The following SPON1 variants were observed in gnomAD, a reference collection of about 807,000 sequenced individuals.
The protein encoded by SPON1 is spondin 1.
Under a neutral mutation model 111.7 loss-of-function variants are expected in SPON1, and 52 were observed. That is an observed-to-expected ratio of 0.47 (90% CI 0.37 to 0.59). The LOEUF is 0.59. SPON1 is among the 20% of genes least tolerant of loss of function. SPON1 has a pLI of 0.00. For synonymous variants in SPON1, 410 were observed against 395.8 expected, an observed-to-expected ratio of 1.04 and a Z score of -0.43; for missense variants, 957 against 1,068.5, an observed-to-expected ratio of 0.90 and a Z score of 1.46.
intron 6 of SPON1, among the ~76,000 whole-genome samples, chr11:14,137,465 C>T (rs2133861817): frequency 6.6e-6 from 1 of 152,296 alleles, no homozygotes. Flanking sequence ...TGCCTGTCAC[C>T]ACCTTTCAGG....
intron 4 of SPON1, among the ~76,000 whole-genome samples, chr11:14,078,108 G>A (rs1253659461): frequency 6.6e-6 from 1 of 152,140 alleles, no homozygotes; most frequent in African/African-American, 2.4e-5. Flanking sequence ...TTGAAAGCCT[G>A]ATTCATTTTC....
At chr11:14,098,762 C>T (rs765013894) in intron 5 of SPON1, among the ~76,000 whole-genome samples, 22 of 152,132 alleles carry the variant, frequency 1.4e-4, no homozygotes, top group Non-Finnish European at 2.8e-4. Flanking sequence ...GAATGATGCA[C>T]TGGCTGTGCC....
intron 15 of SPON1, among the ~76,000 whole-genome samples, chr11:14,264,511 G>T (rs562719461): frequency 1.1e-4 from 17 of 152,280 alleles, no homozygotes; most frequent in Non-Finnish European, 2.2e-4. Flanking sequence ...ATTTTTAAAG[G>T]CCTATTCTTT....
chr11:14,245,083 C>A (rs1298251563), intron 7 of SPON1, among the ~76,000 whole-genome samples: 1 of 152,124 alleles, frequency 6.6e-6, no homozygotes, highest in African/African-American at 2.4e-5. Context: ...AAGACAGCAA[C>A]AATGTGAGGA....
At chr11:14,190,991 C>A (rs1242557603) in intron 6 of SPON1, among the ~76,000 whole-genome samples, 2 of 151,496 alleles carry the variant, frequency 1.3e-5, no homozygotes, top group African/African-American at 2.4e-5. Flanking sequence ...GAAAAAAGCA[C>A]TTACAATCCC....
At chr11:14,029,873 T>C (rs1324027612) in intron 2 of SPON1, among the ~76,000 whole-genome samples, 1 of 152,206 alleles carries the variant, frequency 6.6e-6, no homozygotes, top group East Asian at 1.9e-4. Flanking sequence ...TTCTGGCCCA[T>C]TGAGGTAGAT....
At chr11:13,988,226 C>T (rs1266844453) in intron 2 of SPON1, among the ~76,000 whole-genome samples, 2 of 152,106 alleles carry the variant, frequency 1.3e-5, no homozygotes, top group African/African-American at 4.8e-5. Context: ...TCTCTTTTGT[C>T]CTTGAGCAGT....
rs1472217752 is a variant in SPON1 at position 14,259,916 on chromosome 11, A to G, written c.1831+215A>G. Among the ~76,000 whole-genome samples the G allele has an allele frequency of 6.6e-6, 1 of 152,214 alleles. No homozygotes were observed. The highest frequency in any genetic ancestry group is 2.4e-5 in the African/African-American group (1 of 41,454). On this transcript the variant is annotated intron_variant, in intron 13 of 15. Coordinates refer to ENST00000576479, the MANE Select transcript of SPON1 (RefSeq NM_006108.4). The surrounding 1 kb of genome is among the most constrained non-coding windows in gnomAD (Gnocchi z 5.0). ...GTAACCTCCACTGGGGGACATTCTA[A>G]GCAATGCTGGGGTGGCAAACTGGTG... is the stretch of plus-strand genomic sequence containing the variant.
chr11:13,983,151 G>T (rs1285468344), intron 2 of SPON1, among the ~76,000 whole-genome samples, 198 bp downstream of exon 2: 1 of 152,238 alleles, frequency 6.6e-6, no homozygotes, highest in African/African-American at 2.4e-5. Flanking sequence ...CATGGGGCAG[G>T]CCTTGTTTTG....
intron 5 of SPON1, among the ~76,000 whole-genome samples, chr11:14,099,971 G>A (rs1201960603): frequency 1.3e-5 from 2 of 152,086 alleles, no homozygotes; most frequent in Non-Finnish European, 2.9e-5. Context: ...CAAGCGGAGG[G>A]AGCTAAGCCA....
intron 5 of SPON1, among the ~76,000 whole-genome samples, chr11:14,098,204 G>A (rs1453544264): frequency 6.6e-6 from 1 of 152,172 alleles, no homozygotes; most frequent in Admixed American, 6.5e-5. Context: ...CACCGTGTTA[G>A]CCAGGATGGT....
intron 6 of SPON1, among the ~76,000 whole-genome samples, chr11:14,171,458 A>AT (rs1304914524): frequency 9.2e-5 from 14 of 151,988 alleles, no homozygotes; most frequent in African/African-American, 3.4e-4. Context: ...GGATTCATGG[A>AT]TTTTTTGAAG....
At chr11:14,249,172 G>A (rs1849025667) in intron 7 of SPON1, among the ~76,000 whole-genome samples, 1 of 152,154 alleles carries the variant, frequency 6.6e-6, no homozygotes, top group Non-Finnish European at 1.5e-5. Flanking sequence ...GATTAACATT[G>A]ATTAGATAAA....
chr11:14,145,143 CTT>C (rs1847703192), intron 6 of SPON1, among the ~76,000 whole-genome samples: 1 of 152,200 alleles, frequency 6.6e-6, no homozygotes, highest in African/African-American at 2.4e-5. Context: ...TATGAAACCT[CTT>C]GTTTGCTTTC....
At chr11:14,253,274 G>A (rs1437890860) in intron 7 of SPON1, among the ~76,000 whole-genome samples, 2 of 152,206 alleles carry the variant, frequency 1.3e-5, no homozygotes, top group African/African-American at 4.8e-5. Flanking sequence ...ATCTCCATAC[G>A]ATCCTACAGT....
intron 1 of SPON1, among the ~76,000 whole-genome samples, chr11:13,972,706 G>A (rs369805296): frequency 1.1e-3 from 171 of 152,288 alleles, no homozygotes; most frequent in African/African-American, 3.9e-3. Flanking sequence ...AGCCACCTCA[G>A]TTTAGTTCTG....
intron 3 of SPON1, among the ~76,000 whole-genome samples, chr11:14,044,624 A>G (rs1798967570): frequency 6.6e-6 from 1 of 152,192 alleles, no homozygotes; most frequent in Admixed American, 6.5e-5. Context: ...ATAAATAAAC[A>G]AACAAATAAA....
intron 6 of SPON1, among the ~76,000 whole-genome samples, chr11:14,210,870 C>T (rs1227439073): frequency 2.0e-5 from 3 of 152,108 alleles, no homozygotes; most frequent in East Asian, 1.9e-4. Flanking sequence ...ATCCTTTCCC[C>T]GTTGCTTGTT....
chr11:14,202,101 T>C (rs1326724446), intron 6 of SPON1, among the ~76,000 whole-genome samples: 2 of 152,206 alleles, frequency 1.3e-5, no homozygotes, highest in Non-Finnish European at 2.9e-5. Context: ...TGGATTAATA[T>C]CCTAAATTGA....
Sources: allele counts gnomAD v4.1 joint callset (sites outside exome capture counted in the v4.1 genomes callset), GRCh38; gene constraint gnomAD v4.1.1; non-coding constraint Gnocchi (gnomAD v3.1); transcripts MANE v1.5; gene names NCBI Gene and HGNC (gene_info 2026-07-23, HGNC 2026-07-21).